HS6ST3: variants seen among roughly 807,000 people sequenced by gnomAD.
The protein encoded by HS6ST3 is heparan-sulfate 6-O-sulfotransferase 3.
A neutral mutation model predicts 36.7 loss-of-function variants in HS6ST3; 12 were observed. The observed-to-expected ratio is 0.33, with a 90% CI of 0.21 to 0.53. The LOEUF (loss-of-function observed/expected upper bound fraction) is 0.53, where lower values mean the gene tolerates loss of function less well. Among genes scored for constraint, HS6ST3 ranks in the 20% least tolerant of loss-of-function variants. The pLI, the probability that HS6ST3 is intolerant of heterozygous loss-of-function variation, is 0.95. For missense variants in HS6ST3, 584 were observed against 640.9 expected, an observed-to-expected ratio of 0.91 and a Z score of 0.96; for synonymous variants, 240 against 257.5, an observed-to-expected ratio of 0.93 and a Z score of 0.65.
At chr13:96,555,393 ATAG>A (rs1030719179) in intron 1 of HS6ST3, among the ~76,000 whole-genome samples, 10 of 152,204 alleles carry the variant, frequency 6.6e-5, no homozygotes, top group African/African-American at 2.4e-4. Flanking sequence ...ACAGTAGGGA[ATAG>A]TGGGCTTGGT....
chr13:96,639,096 G>C (rs1204527388), intron 1 of HS6ST3, among the ~76,000 whole-genome samples: 1 of 151,884 alleles, frequency 6.6e-6, no homozygotes, highest in Non-Finnish European at 1.5e-5. Context: ...AGTTATTCAA[G>C]ATTTCTGTTT....
chr13:96,512,925 C>T (rs545885109), intron 1 of HS6ST3, among the ~76,000 whole-genome samples: 34 of 151,674 alleles, frequency 2.2e-4, no homozygotes, highest in African/African-American at 8.0e-4. Flanking sequence ...AGATCTTTCA[C>T]TACAGGAGGA....
At chr13:96,316,897 A>G (rs557350148) in intron 1 of HS6ST3, among the ~76,000 whole-genome samples, 4 of 152,188 alleles carry the variant, frequency 2.6e-5, no homozygotes, top group Admixed American at 2.6e-4. Flanking sequence ...TTTGCGTAGA[A>G]ATGATTTTTG....
At chr13:96,692,459 G>A (rs1874991808) in intron 1 of HS6ST3, among the ~76,000 whole-genome samples, 1 of 152,116 alleles carries the variant, frequency 6.6e-6, no homozygotes, top group Non-Finnish European at 1.5e-5. Flanking sequence ...TTGAATCTAT[G>A]AATGTGAATG....
At chr13:96,729,087 A>G (rs1210063317) in intron 1 of HS6ST3, among the ~76,000 whole-genome samples, 2 of 152,194 alleles carry the variant, frequency 1.3e-5, no homozygotes, top group Non-Finnish European at 2.9e-5. Flanking sequence ...AACTTAGATA[A>G]CAAATATAGT....
At chr13:96,123,824 CAAT>C (rs1227654760) in intron 1 of HS6ST3, among the ~76,000 whole-genome samples, 8 of 152,144 alleles carry the variant, frequency 5.3e-5, no homozygotes, top group East Asian at 1.9e-4. Flanking sequence ...TTAATTTTCA[CAAT>C]GAGTGGAGGA....
chr13:96,605,126 A>AT (rs1423612763), intron 1 of HS6ST3, among the ~76,000 whole-genome samples: 2 of 152,024 alleles, frequency 1.3e-5, no homozygotes, highest in African/African-American at 4.8e-5. Context: ...TTATCAACAG[A>AT]TTTTGCAAAG....
Position 96,833,076 on chromosome 13 carries a change from C to T in HS6ST3, c.1294C>T (p.Gln432Ter). Residue 432 changes from glutamine (Q) to a stop codon, truncating the protein, a stop_gained, in exon 2 of 2, where the codon CAG becomes TAG. Coordinates refer to ENST00000376705, the MANE Select transcript of HS6ST3 (RefSeq NM_153456.4). LOFTEE classifies it high-confidence loss of function. Reference sequence around the variant, plus strand: ...GCAGCTAGAGCACCAGAGGGACCGCCAGAAGCGGCGGGAGGAGCGGAGGCT... The same window carrying T: ...GCAGCTAGAGCACCAGAGGGACCGCTAGAAGCGGCGGGAGGAGCGGAGGCT... ...TKQLEHQRDR[Q>*]KRREERRLQR... The T allele has an allele frequency of 6.2e-7, 1 of 1,612,062 alleles. No individual in the cohort carries two copies. Among genetic ancestry groups the T allele is most frequent in the Non-Finnish European group, 8.5e-7 (1 of 1,180,014 alleles).
At chr13:96,307,132 G>C (rs2054917717) in intron 1 of HS6ST3, among the ~76,000 whole-genome samples, 1 of 152,158 alleles carries the variant, frequency 6.6e-6, no homozygotes. Context: ...CATTCAGTTA[G>C]TCTAGGAAGT....
Position 96,834,632 on chromosome 13 carries a change from T to C in HS6ST3, c.*1434T>C, listed in dbSNP as rs1451539215. The C allele has an allele frequency of 6.6e-6, 1 of 152,656 alleles. No homozygotes were observed. Among genetic ancestry groups the C allele is most frequent in the African/African-American group, 2.4e-5 (1 of 41,454 alleles). The allele number at this position is 152,656 out of a possible 1,614,324, so 9.5% of individuals were successfully genotyped here. On this transcript the variant is annotated 3_prime_UTR_variant, in exon 2 of 2. Coordinates refer to ENST00000376705, the MANE Select transcript of HS6ST3 (RefSeq NM_153456.4). Reference sequence around the variant, plus strand: ...AGTGAGTGGGAAGTTTCACAACGGATTGATCTGATCAATCCCTTCAAGGAG... The same window carrying C: ...AGTGAGTGGGAAGTTTCACAACGGACTGATCTGATCAATCCCTTCAAGGAG...
intron 1 of HS6ST3, among the ~76,000 whole-genome samples, chr13:96,202,923 T>C (rs2054350154): frequency 6.6e-6 from 1 of 152,192 alleles, no homozygotes; most frequent in South Asian, 2.1e-4. Context: ...AAATTTATTC[T>C]AGGTTATTGA....
intron 1 of HS6ST3, among the ~76,000 whole-genome samples, chr13:96,743,157 G>T (rs562131961): frequency 3.9e-5 from 6 of 152,056 alleles, no homozygotes; most frequent in Admixed American, 2.6e-4. Context: ...ATCAGGTTCC[G>T]TTTTTATTAA....
chr13:96,547,636 C>T (rs369309243), intron 1 of HS6ST3, among the ~76,000 whole-genome samples: 1 of 152,120 alleles, frequency 6.6e-6, no homozygotes, highest in Admixed American at 6.6e-5. Context: ...TTCTGCAGAA[C>T]ATTTAAATTA....
intron 1 of HS6ST3, among the ~76,000 whole-genome samples, chr13:96,591,758 G>A (rs559537598): frequency 2.2e-4 from 34 of 152,090 alleles, no homozygotes; most frequent in South Asian, 1.0e-3. Flanking sequence ...AAAAGGGGGC[G>A]TCCTTGTTGT....
intron 1 of HS6ST3, among the ~76,000 whole-genome samples, chr13:96,764,835 T>C (rs1372491861): frequency 6.6e-6 from 1 of 152,218 alleles, no homozygotes; most frequent in Non-Finnish European, 1.5e-5. Context: ...ATTGATCACT[T>C]TCCCCTTGGA....
intron 1 of HS6ST3, among the ~76,000 whole-genome samples, chr13:96,559,718 T>C (rs999039109): frequency 2.0e-5 from 3 of 151,776 alleles, no homozygotes; most frequent in Non-Finnish European, 2.9e-5. Context: ...ACACTGCAGA[T>C]TATTCTTTTT....
At chr13:96,540,822 G>A (rs973799163) in intron 1 of HS6ST3, among the ~76,000 whole-genome samples, 3 of 152,280 alleles carry the variant, frequency 2.0e-5, no homozygotes, top group Non-Finnish European at 1.5e-5. Context: ...AATTAGATCT[G>A]ACACAGAGTC....
chr13:96,474,957 TA>T (rs1212882179), intron 1 of HS6ST3, among the ~76,000 whole-genome samples: 1 of 152,212 alleles, frequency 6.6e-6, no homozygotes, highest in African/African-American at 2.4e-5. Flanking sequence ...TTCTATGGAT[TA>T]GCTATTGAAG....
At chr13:96,166,424 G>A (rs1193992090) in intron 1 of HS6ST3, among the ~76,000 whole-genome samples, 1 of 152,132 alleles carries the variant, frequency 6.6e-6, no homozygotes, top group African/African-American at 2.4e-5. Flanking sequence ...TCTCCTCTAA[G>A]CCCTTTGCAC....
Sources: allele counts gnomAD v4.1 joint callset (sites outside exome capture counted in the v4.1 genomes callset), GRCh38; gene constraint gnomAD v4.1.1; transcripts MANE v1.5; gene names NCBI Gene and HGNC (gene_info 2026-07-23, HGNC 2026-07-21).